Variants in ZBTB7C observed in about 807,000 individuals in gnomAD.
ZBTB7C encodes the protein zinc finger and BTB domain-containing protein 7C.
A neutral mutation model predicts 25.7 loss-of-function variants in ZBTB7C; 8 were observed. The ratio of observed to expected loss-of-function variants is 0.31; its 90% CI spans 0.18 to 0.56. The LOEUF is 0.56. Among genes scored for constraint, ZBTB7C ranks in the 20% least tolerant of loss-of-function variants. The pLI is 0.91. For synonymous variants in ZBTB7C, 394 were observed against 369.0 expected (o/e 1.07, Z -0.78); for missense variants, 824 against 855.2 (o/e 0.96, Z 0.46).
chr18:48,093,110 G>A (rs1165027613), intron 3 of ZBTB7C, among the ~76,000 whole-genome samples: 1 of 152,252 alleles, frequency 6.6e-6, no homozygotes, highest in Non-Finnish European at 1.5e-5. Context: ...AGCTGTGAGA[G>A]TAGAAGAGGG....
intron 2 of ZBTB7C, among the ~76,000 whole-genome samples, chr18:48,332,077 C>T (rs952602): frequency 0.52 from 78,685 of 151,988 alleles, 20,716 homozygotes; most frequent in East Asian, 0.78. Flanking sequence ...CAATTCTCTC[C>T]AATATATCCT....
chr18:48,329,047 T>TC (rs2046288242), intron 2 of ZBTB7C, among the ~76,000 whole-genome samples: 1 of 152,166 alleles, frequency 6.6e-6, no homozygotes, highest in Admixed American at 6.5e-5. Context: ...CTGACTGTTA[T>TC]CCACCAGGGC....
At chr18:48,196,845 G>T (rs888685700) in intron 2 of ZBTB7C, among the ~76,000 whole-genome samples, 3 of 152,182 alleles carry the variant, frequency 2.0e-5, no homozygotes, top group Non-Finnish European at 4.4e-5. Context: ...GAAGGAAAAT[G>T]CCCTTCAGAA....
At chr18:48,077,062 CAAAAAAAA>C in intron 3 of ZBTB7C, 1 of 400,390 alleles carries the variant, frequency 2.5e-6, no homozygotes, top group Non-Finnish European at 3.2e-6. Context: ...TTGTTATATG[CAAAAAAAA>C]AAAAAAAAAG....
chr18:48,144,172 G>A (rs1022606954), intron 3 of ZBTB7C, among the ~76,000 whole-genome samples: 1 of 152,014 alleles, frequency 6.6e-6, no homozygotes, highest in Non-Finnish European at 1.5e-5. Flanking sequence ...CCAGCTACTC[G>A]GGAGGCTGAG....
chr18:48,237,839 T>C (rs2043421763), intron 2 of ZBTB7C, among the ~76,000 whole-genome samples: 1 of 152,158 alleles, frequency 6.6e-6, no homozygotes, highest in Non-Finnish European at 1.5e-5. Context: ...TAACCAAATA[T>C]CCAATCAGTA....
At chr18:48,203,003 C>T (rs1369084965) in intron 2 of ZBTB7C, among the ~76,000 whole-genome samples, 1 of 152,000 alleles carries the variant, frequency 6.6e-6, no homozygotes, top group East Asian at 1.9e-4. Flanking sequence ...CCAGCAGCCT[C>T]AAGACCCCCT....
chr18:48,156,727 C>A (rs1257145550), intron 3 of ZBTB7C, among the ~76,000 whole-genome samples: 5 of 152,182 alleles, frequency 3.3e-5, no homozygotes, highest in African/African-American at 1.2e-4. Flanking sequence ...ATACCTTTTT[C>A]TCTTTCCTTG....
intron 3 of ZBTB7C, among the ~76,000 whole-genome samples, chr18:48,130,936 C>T (rs1340260342): frequency 2.0e-5 from 3 of 152,284 alleles, no homozygotes; most frequent in African/African-American, 7.2e-5. Flanking sequence ...TGGAGTCTTG[C>T]TCTGTCACCT....
chr18:48,145,638 A>G (rs2040476379), intron 3 of ZBTB7C, among the ~76,000 whole-genome samples: 1 of 152,262 alleles, frequency 6.6e-6, no homozygotes, highest in Non-Finnish European at 1.5e-5. Context: ...ACGAGAGCCA[A>G]TGATGATATA....
chr18:48,342,609 C>G (rs2046630735), intron 1 of ZBTB7C, among the ~76,000 whole-genome samples: 1 of 152,242 alleles, frequency 6.6e-6, no homozygotes, highest in Non-Finnish European at 1.5e-5. Context: ...CCACTGCCTG[C>G]TCAAATGTGT....
intron 2 of ZBTB7C, among the ~76,000 whole-genome samples, chr18:48,257,798 A>C (rs1436229525): frequency 6.6e-6 from 1 of 151,508 alleles, no homozygotes; most frequent in Admixed American, 6.6e-5. Flanking sequence ...AAAAAAAAAA[A>C]CTAGGATCAT....
At chr18:48,054,508 C>T (rs945081354) in intron 3 of ZBTB7C, among the ~76,000 whole-genome samples, 9 of 152,166 alleles carry the variant, frequency 5.9e-5, no homozygotes, top group African/African-American at 2.2e-4. Context: ...TCGACAAACA[C>T]TCCTGCCTCC....
At chr18:48,137,543 A>G (rs1177167948) in intron 3 of ZBTB7C, among the ~76,000 whole-genome samples, 2 of 152,142 alleles carry the variant, frequency 1.3e-5, no homozygotes, top group African/African-American at 4.8e-5. Flanking sequence ...ATTTATTTCC[A>G]TTTGCCTGAA....
chr18:48,126,310 A>G (rs1189097162), intron 3 of ZBTB7C, among the ~76,000 whole-genome samples: 1 of 152,232 alleles, frequency 6.6e-6, no homozygotes, highest in African/African-American at 2.4e-5. Context: ...TATTAATCAC[A>G]TCAGAACACC....
At chr18:48,137,390 T>G (rs2040206093) in intron 3 of ZBTB7C, 1 of 960,476 alleles carries the variant, frequency 1.0e-6, no homozygotes, top group Non-Finnish European at 1.2e-6. Flanking sequence ...TCTTCCGGGT[T>G]CCTCCGTTTT....
intron 1 of ZBTB7C, among the ~76,000 whole-genome samples, chr18:48,373,400 C>A (rs2047435334): frequency 6.6e-6 from 1 of 152,120 alleles, no homozygotes; most frequent in African/African-American, 2.4e-5. Flanking sequence ...TCCTGTAAAG[C>A]CTGAAAAACC....
At chr18:48,256,697 C>T (rs765920879) in intron 2 of ZBTB7C, among the ~76,000 whole-genome samples, 4 of 151,484 alleles carry the variant, frequency 2.6e-5, no homozygotes, top group Non-Finnish European at 4.4e-5. Flanking sequence ...AAATGTATGA[C>T]GATATTATCA....
At chr18:48,372,678 T>C (rs1198402719) in intron 1 of ZBTB7C, among the ~76,000 whole-genome samples, 1 of 152,132 alleles carries the variant, frequency 6.6e-6, no homozygotes, top group Non-Finnish European at 1.5e-5. Flanking sequence ...AACATGGCCA[T>C]GGTCAGGGCC....
Sources: gnomAD v4.1 joint callset for allele counts (sites outside exome capture counted in the v4.1 genomes callset) on GRCh38, gnomAD v4.1.1 for gene constraint, MANE v1.5 for transcripts, NCBI Gene and HGNC (gene_info 2026-07-23, HGNC 2026-07-21) for gene names.